The following BTBD9 variants were observed in gnomAD, a reference collection of about 807,000 sequenced individuals.
BTBD9 encodes BTB domain containing 9.
A neutral mutation model predicts 64.3 loss-of-function variants in BTBD9; 49 were observed. That is an observed-to-expected ratio of 0.76 (90% CI 0.61 to 0.97). The LOEUF is 0.97. BTBD9 is among the 50% of genes least tolerant of loss of function. The pLI, the probability that BTBD9 is intolerant of heterozygous loss-of-function variation, is 0.00. For synonymous variants in BTBD9, 260 were observed against 274.7 expected (o/e 0.95, Z 0.53); for missense variants, 598 against 762.1 (o/e 0.78, Z 2.53).
intron 6 of BTBD9, among the ~76,000 whole-genome samples, chr6:38,405,547 A>G (rs541003155): frequency 2.0e-5 from 3 of 152,292 alleles, no homozygotes; most frequent in African/African-American, 7.2e-5. Flanking sequence ...TGAAGCTATA[A>G]TGAGAAATAA....
At chr6:38,313,672 C>A (rs565318570) in intron 7 of BTBD9, among the ~76,000 whole-genome samples, 16 of 151,198 alleles carry the variant, frequency 1.1e-4, no homozygotes, top group Non-Finnish European at 2.1e-4. Context: ...TATGATATAT[C>A]ATGTTGATTG....
chr6:38,517,624 C>G (rs1015272637), intron 6 of BTBD9, among the ~76,000 whole-genome samples: 2 of 152,168 alleles, frequency 1.3e-5, no homozygotes, highest in Admixed American at 6.5e-5. Flanking sequence ...CTCCTATTAA[C>G]TAGGAACAGG....
chr6:38,483,893 T>C (rs1431710566), intron 6 of BTBD9, among the ~76,000 whole-genome samples: 2 of 152,210 alleles, frequency 1.3e-5, no homozygotes, highest in African/African-American at 2.4e-5. Flanking sequence ...AACCACTGGC[T>C]AGCTTATTCC....
At chr6:38,588,770 T>C (rs1383596258) in intron 4 of BTBD9, among the ~76,000 whole-genome samples, 2 of 152,202 alleles carry the variant, frequency 1.3e-5, no homozygotes, top group East Asian at 1.9e-4. Context: ...CTTACATGTA[T>C]GTAAAGTGAT....
At chr6:38,540,744 C>A (rs1774232973) in intron 6 of BTBD9, among the ~76,000 whole-genome samples, 1 of 152,214 alleles carries the variant, frequency 6.6e-6, no homozygotes, top group Non-Finnish European at 1.5e-5. Flanking sequence ...TATCCCTGGA[C>A]AGCAAAGACT....
At chr6:38,496,054 C>T (rs1039754410) in intron 6 of BTBD9, among the ~76,000 whole-genome samples, 1 of 152,152 alleles carries the variant, frequency 6.6e-6, no homozygotes, top group African/African-American at 2.4e-5. Context: ...GCTTTCTGCC[C>T]GTTGTGACCG....
intron 6 of BTBD9, among the ~76,000 whole-genome samples, chr6:38,523,541 C>T (rs1773357734): frequency 6.6e-6 from 1 of 152,138 alleles, no homozygotes; most frequent in African/African-American, 2.4e-5. Context: ...AACCAATCCA[C>T]TCAGTGCCCT....
intron 6 of BTBD9, among the ~76,000 whole-genome samples, chr6:38,423,677 T>C (rs1004832310): frequency 3.9e-5 from 6 of 152,152 alleles, no homozygotes; most frequent in African/African-American, 9.7e-5. Context: ...TATAAGTAAA[T>C]CTTTCATTTT....
intron 6 of BTBD9, among the ~76,000 whole-genome samples, chr6:38,396,428 C>T (rs541242161): frequency 7.0e-4 from 107 of 152,334 alleles, no homozygotes; most frequent in African/African-American, 2.5e-3. Flanking sequence ...ATACTGCTTT[C>T]TGAACAGTTG....
chr6:38,278,247 G>A (rs1354648996), intron 8 of BTBD9, among the ~76,000 whole-genome samples: 1 of 152,138 alleles, frequency 6.6e-6, no homozygotes, highest in Non-Finnish European at 1.5e-5. Flanking sequence ...GAACCAATAT[G>A]GGCAGCCATG....
chr6:38,456,554 T>G (rs1041727565), intron 6 of BTBD9, among the ~76,000 whole-genome samples: 2 of 152,218 alleles, frequency 1.3e-5, no homozygotes, highest in Non-Finnish European at 2.9e-5. Flanking sequence ...AATAGTTATC[T>G]TATTATGGTT....
intron 6 of BTBD9, among the ~76,000 whole-genome samples, chr6:38,560,187 T>C (rs1220573602): frequency 1.3e-5 from 2 of 152,210 alleles, no homozygotes; most frequent in Admixed American, 6.5e-5. Context: ...AGGTCTAATA[T>C]CTAGAATTTA....
intron 6 of BTBD9, among the ~76,000 whole-genome samples, chr6:38,482,686 C>T (rs1164074033): frequency 6.6e-6 from 1 of 151,956 alleles, no homozygotes; most frequent in Admixed American, 6.6e-5. Flanking sequence ...GAAGAGATGC[C>T]AGTTTAGTGG....
chr6:38,330,916 C>T (rs1425058475), intron 7 of BTBD9, among the ~76,000 whole-genome samples: 1 of 152,108 alleles, frequency 6.6e-6, no homozygotes, highest in Non-Finnish European at 1.5e-5. Context: ...CTTACACACA[C>T]CCCAACAATA....
At chr6:38,291,657 G>C (rs1026926674) in intron 7 of BTBD9, among the ~76,000 whole-genome samples, 2 of 152,078 alleles carry the variant, frequency 1.3e-5, no homozygotes, top group Non-Finnish European at 2.9e-5. Flanking sequence ...ATTATTTTGA[G>C]ATACGTTCCA....
intron 6 of BTBD9, among the ~76,000 whole-genome samples, chr6:38,456,020 G>A (rs893427403): frequency 2.0e-5 from 3 of 150,252 alleles, no homozygotes; most frequent in African/African-American, 7.4e-5. Context: ...GTCTTGCTCT[G>A]TAGCCCAGGC....
At chr6:38,579,402 G>A (rs996672717) in intron 5 of BTBD9, among the ~76,000 whole-genome samples, 4 of 152,172 alleles carry the variant, frequency 2.6e-5, no homozygotes, top group African/African-American at 9.7e-5. Flanking sequence ...TTAGGTTTAT[G>A]ATAAACAGCA....
At chr6:38,528,091 A>T (rs1171288373) in intron 6 of BTBD9, among the ~76,000 whole-genome samples, 1 of 152,118 alleles carries the variant, frequency 6.6e-6, no homozygotes, top group African/African-American at 2.4e-5. Context: ...ATGTGGCACA[A>T]AGAGAGAATC....
chr6:38,287,129 CACACACACACACACAT>C (rs1195586623), intron 8 of BTBD9, among the ~76,000 whole-genome samples: 1 of 143,832 alleles, frequency 7.0e-6, no homozygotes, highest in African/African-American at 2.6e-5. Flanking sequence ...CACACACACA[CACACACACACACACAT>C]ATAGCAGCCT....
Sources: allele counts gnomAD v4.1 joint callset (sites outside exome capture counted in the v4.1 genomes callset), GRCh38; gene constraint gnomAD v4.1.1; transcripts MANE v1.5; gene names NCBI Gene and HGNC (gene_info 2026-07-23, HGNC 2026-07-21).